The following ADGRG1 variants were observed in gnomAD, a reference collection of about 807,000 sequenced individuals.
ADGRG1 encodes the protein 7-transmembrane protein with no EGF-like N-terminal domains-1.
ADGRG1 carries 53 observed loss-of-function variants against 73.5 expected under a neutral mutation model. The ratio of observed to expected loss-of-function variants is 0.72; its 90% CI spans 0.58 to 0.91. The LOEUF (loss-of-function observed/expected upper bound fraction) is 0.91, where lower values mean the gene tolerates loss of function less well. Among genes scored for constraint, ADGRG1 ranks in the 40% least tolerant of loss-of-function variants. The pLI, the probability that ADGRG1 is intolerant of heterozygous loss-of-function variation, is 0.00. For synonymous variants in ADGRG1, 394 were observed against 374.4 expected (o/e 1.05, Z -0.60); for missense variants, 795 against 871.8 (o/e 0.91, Z 1.11).
At chr16:57,644,657 CATCACACA>C (rs2041945294) in intron 1 of ADGRG1, among the ~76,000 whole-genome samples, 1 of 138,292 alleles carries the variant, frequency 7.2e-6, no homozygotes, top group African/African-American at 2.7e-5. Context: ...CACGCACACT[CATCACACA>C]CTCCTCACAC....
At chr16:57,648,499 C>A in intron 1 of ADGRG1, 1 of 967,774 alleles carries the variant, frequency 1.0e-6, no homozygotes, top group Non-Finnish European at 1.2e-6. Context: ...CATGGTGGGA[C>A]GCAGGGAACT....
intron 1 of ADGRG1, chr16:57,633,122 A>G (rs1198842079): frequency 3.1e-6 from 1 of 327,758 alleles, no homozygotes; most frequent in African/African-American, 2.2e-5. Flanking sequence ...GCCAAAGATG[A>G]CAGCTTCTCT....
rs1314616818 is a variant in ADGRG1, at chr16:57,654,000, T to C, written c.635T>C (p.Leu212Pro). The C allele has an allele frequency of 7.4e-6, 12 of 1,613,926 alleles. No homozygotes were observed. The African/African-American group carries it at 1.5e-4, about 20-fold the overall frequency. ...AAPASQQLQSLESKLTSVRFM... is the reference protein window; with the variant it reads ...AAPASQQLQSPESKLTSVRFM... The stretch of plus-strand genomic sequence containing the variant: ...CTCCCTGCCAGGCAGTTGCAGAGCC[T>C]GGAGTCGAAACTGACCTCTGTGAGA... The change falls in exon 5 of 14, where the codon CTG becomes CCG. Residue 212 changes from leucine (L) to proline (P), a missense_variant. By Grantham distance (98) the Leu-to-Pro change is moderately conservative. Transcript: ENST00000562631.
At chr16:57,652,130 G>T in intron 3 of ADGRG1, 3 of 1,039,366 alleles carry the variant, frequency 2.9e-6, no homozygotes, top group Non-Finnish European at 3.5e-6. Context: ...TTGGAGTGGG[G>T]TAGGGGTGAG....
intron 1 of ADGRG1, among the ~76,000 whole-genome samples, chr16:57,644,691 C>T (rs1567720760): frequency 7.3e-6 from 1 of 137,014 alleles, no homozygotes; most frequent in Non-Finnish European, 1.5e-5. Context: ...TGCACAAGCA[C>T]ACACATGCAC....
intron 1 of ADGRG1, chr16:57,646,259 C>T (rs1378133484): frequency 1.0e-4 from 45 of 452,122 alleles, no homozygotes; most frequent in African/African-American, 6.4e-4. Flanking sequence ...TCAGGTCCCC[C>T]GGGAGAAAGC....
chr16:57,641,261 C>T, intron 1 of ADGRG1: 1 of 982,794 alleles, frequency 1.0e-6, no homozygotes, highest in Non-Finnish European at 1.2e-6. Flanking sequence ...GCCCCTAACT[C>T]CTGCCACCCC....
At position 57,657,273 on chromosome 16, in the gene ADGRG1, G is replaced by A. The variant is rs8060371; in HGVS notation, c.1168-100G>A. On this transcript the variant is annotated intron_variant, in intron 9 of 13. Transcript: ENST00000562631. ...TGGGAGAGGGGGTTCTTAGGCTTCC[G>A]AGGCCCACCAGGGACCCCAGGTTAG... The A allele has an allele frequency of 1.7e-5, 27 of 1,583,688 alleles. No homozygotes were observed. In the Middle Eastern group the frequency reaches 5.5e-4, roughly 32 times the overall value.
intron 13 of ADGRG1, among the ~76,000 whole-genome samples, chr16:57,662,289 G>T (rs1030876700): frequency 9.8e-5 from 15 of 152,328 alleles, no homozygotes; most frequent in Non-Finnish European, 1.8e-4. Flanking sequence ...TAGGGACATC[G>T]TCGTGAGCAC....
chr16:57,647,960 C>G (rs2043097181), intron 1 of ADGRG1: 1 of 162,200 alleles, frequency 6.2e-6, no homozygotes, highest in Non-Finnish European at 1.3e-5. Context: ...TCTGCTTTGT[C>G]CTTCAGCCAT....
chr16:57,652,113 C>G, intron 3 of ADGRG1: 1 of 1,043,540 alleles, frequency 9.6e-7, no homozygotes, highest in South Asian at 3.4e-5. Context: ...TTGAACCCAG[C>G]AGCTGATTGG....
intron 4 of ADGRG1, 169 bp from the exon 5 acceptor site, chr16:57,653,817 T>G: frequency 1.0e-6 from 1 of 985,204 alleles, no homozygotes; most frequent in Non-Finnish European, 1.2e-6. Context: ...TGCTTTTCTC[T>G]TTTGTCTGCT....
At chr16:57,626,787 G>A (rs964099824), upstream of ADGRG1, 7 of 985,070 alleles carry the variant, frequency 7.1e-6, no homozygotes, top group East Asian at 1.1e-4. Flanking sequence ...GAGGCTGCCC[G>A]GGTTACCAGT....
At chr16:57,633,221 A>G in intron 1 of ADGRG1, 1 of 692,170 alleles carries the variant, frequency 1.4e-6, no homozygotes, top group Non-Finnish European at 1.8e-6. Flanking sequence ...GCTGCAAAGT[A>G]TGTACCTAGC....
chr16:57,638,444 C>CT (rs1425314214), intron 1 of ADGRG1, among the ~76,000 whole-genome samples: 2 of 152,132 alleles, frequency 1.3e-5, no homozygotes, highest in Non-Finnish European at 2.9e-5. Flanking sequence ...TATTTTCCTC[C>CT]TTCCCCAGAC....
chr16:57,663,406 G>A, intron 13 of ADGRG1, 46 bp from the exon 14 acceptor site: 2 of 1,610,366 alleles, frequency 1.2e-6, no homozygotes, highest in South Asian at 1.1e-5. Flanking sequence ...GGAGGGATGG[G>A]GTGGGGCTCC....
chr16:57,635,976 C>A, intron 1 of ADGRG1: 2 of 985,386 alleles, frequency 2.0e-6, no homozygotes, highest in Non-Finnish European at 2.4e-6. Flanking sequence ...AGCTCTGCCT[C>A]GTGAGTCTCT....
chr16:57,631,325 G>A, intron 1 of ADGRG1: 1 of 985,758 alleles, frequency 1.0e-6, no homozygotes, highest in Non-Finnish European at 1.2e-6. Context: ...CCTCCAGCCG[G>A]ACTGGGATGC....
upstream of ADGRG1, chr16:57,624,170 A>G: frequency 1.0e-6 from 1 of 981,918 alleles, no homozygotes; most frequent in Non-Finnish European, 1.2e-6. Context: ...TTGCAAGGGG[A>G]GAAGCCTGGA....
Sources: allele counts gnomAD v4.1 joint callset (sites outside exome capture counted in the v4.1 genomes callset), GRCh38; gene constraint gnomAD v4.1.1; transcripts MANE v1.5; gene names NCBI Gene and HGNC (gene_info 2026-07-23, HGNC 2026-07-21).